ATXN7L1: variants seen among roughly 807,000 people sequenced by gnomAD.
The protein encoded by ATXN7L1 is ataxin-7-like protein 1.
In ATXN7L1, 15 loss-of-function variants were observed where a neutral mutation model predicts 70.8. The ratio of observed to expected loss-of-function variants is 0.21; its 90% CI spans 0.14 to 0.33. The LOEUF is 0.33. Ranked by LOEUF, ATXN7L1 falls within the 10% of genes least tolerant of loss-of-function variation. The pLI is 1.00. For missense variants in ATXN7L1, 975 were observed against 1,097.1 expected, an observed-to-expected ratio of 0.89 and a Z score of 1.57; for synonymous variants, 440 against 445.1, an observed-to-expected ratio of 0.99 and a Z score of 0.14.
intron 2 of ATXN7L1, among the ~76,000 whole-genome samples, chr7:105,852,668 G>A (rs972691750): frequency 2.0e-5 from 3 of 151,694 alleles, no homozygotes; most frequent in Admixed American, 2.0e-4. Flanking sequence ...GCTTATCTCG[G>A]AAGGACTGAA....
chr7:105,639,700 T>G, intron 5 of ATXN7L1, 131 bp from the exon 6 acceptor site: 2 of 692,678 alleles, frequency 2.9e-6, no homozygotes, highest in South Asian at 3.9e-5. Context: ...CTGTTTTTTG[T>G]TTTTTTGTGT....
rs116644450 is a variant in ATXN7L1, at chr7:105,659,450, C to A, written c.578+5616G>T. ...GGAAGACAGGAAGTGGAGTCTATGGCCGACCAGAGAAAGTGTCACATGTGA... is the reference window on the plus strand; with the variant it reads ...GGAAGACAGGAAGTGGAGTCTATGGACGACCAGAGAAAGTGTCACATGTGA... On this transcript the variant is annotated intron_variant, in intron 4 of 11. Transcript: ENST00000419735. Among the ~76,000 whole-genome samples, 1,171 of 152,196 alleles carry A rather than the reference C, an allele frequency of 7.7e-3. 15 individuals carry two copies. Among genetic ancestry groups the A allele is most frequent in the African/African-American group, 0.027 (1,122 of 41,510 alleles).
At chr7:105,749,756 G>A (rs188855634) in intron 3 of ATXN7L1, among the ~76,000 whole-genome samples, 16 of 151,950 alleles carry the variant, frequency 1.1e-4, no homozygotes, top group Admixed American at 5.9e-4. Context: ...ATCACTTGTG[G>A]GGCTTCTGAC....
chr7:105,772,893 C>A (rs1487758506), intron 3 of ATXN7L1, among the ~76,000 whole-genome samples: 1 of 152,194 alleles, frequency 6.6e-6, no homozygotes. Context: ...AGATTATATA[C>A]ATTTTTCAAT....
chr7:105,697,825 G>T (rs1417077948), intron 3 of ATXN7L1, among the ~76,000 whole-genome samples: 1 of 152,242 alleles, frequency 6.6e-6, no homozygotes, highest in East Asian at 1.9e-4. Context: ...CTTCTGTCAT[G>T]GCTTCAGCCG....
chr7:105,801,627 C>T (rs1352789404), intron 2 of ATXN7L1, among the ~76,000 whole-genome samples: 2 of 151,924 alleles, frequency 1.3e-5, no homozygotes, highest in African/African-American at 4.8e-5. Flanking sequence ...ACTGAGGGTA[C>T]ACCTGGCACA....
intron 3 of ATXN7L1, among the ~76,000 whole-genome samples, chr7:105,680,274 C>T (rs1402399644): frequency 1.3e-5 from 2 of 152,102 alleles, no homozygotes; most frequent in Non-Finnish European, 2.9e-5. Flanking sequence ...TAATGACTGC[C>T]TATGTAAGAT....
At chr7:105,789,215 G>C (rs918738131) in intron 2 of ATXN7L1, among the ~76,000 whole-genome samples, 6 of 152,246 alleles carry the variant, frequency 3.9e-5, no homozygotes, top group Non-Finnish European at 5.9e-5. Context: ...GAAGGAGTCT[G>C]CTGAAGAAGT....
intron 11 of ATXN7L1, among the ~76,000 whole-genome samples, chr7:105,608,898 G>C (rs996294584): frequency 1.3e-5 from 2 of 151,964 alleles, no homozygotes; most frequent in Non-Finnish European, 2.9e-5. Flanking sequence ...ATATATACAC[G>C]CACACCCACA....
intron 9 of ATXN7L1, among the ~76,000 whole-genome samples, chr7:105,619,225 G>A (rs1461823183): frequency 1.6e-5 from 2 of 124,558 alleles, no homozygotes; most frequent in African/African-American, 6.1e-5. Flanking sequence ...TCAGCTCACT[G>A]CAAACTCTGC....
At chr7:105,694,522 G>A (rs1458276107) in intron 3 of ATXN7L1, among the ~76,000 whole-genome samples, 1 of 152,146 alleles carries the variant, frequency 6.6e-6, no homozygotes, top group Non-Finnish European at 1.5e-5. Flanking sequence ...AGGGAAACAG[G>A]GTTCAGAGAA....
chr7:105,866,913 C>A lies in ATXN7L1; in HGVS notation c.250+8899G>T, dbSNP rs146296683. 3.6e-3 allele frequency among the ~76,000 whole-genome samples: 554 copies of A among 152,326 alleles called. 4 individuals are homozygous for A. Among genetic ancestry groups the A allele is most frequent in the African/African-American group, 0.013 (526 of 41,566 alleles). On this transcript the variant is annotated intron_variant, in intron 2 of 11. Coordinates refer to ENST00000419735, the MANE Select transcript of ATXN7L1 (RefSeq NM_020725.2). ...AAGAGGGATTTGACCAGGACAAGGT[C>A]TCACTGCATTGAGTACTACCATCTT...
chr7:105,753,256 C>T (rs916594185), intron 3 of ATXN7L1, among the ~76,000 whole-genome samples: 1 of 152,186 alleles, frequency 6.6e-6, no homozygotes, highest in African/African-American at 2.4e-5. Flanking sequence ...TGCAGCTCTG[C>T]AACTAAGTGG....
At chr7:105,822,756 G>A (rs1372556647) in intron 2 of ATXN7L1, among the ~76,000 whole-genome samples, 1 of 152,186 alleles carries the variant, frequency 6.6e-6, no homozygotes, top group Non-Finnish European at 1.5e-5. Context: ...ATGGTGGATG[G>A]TATGACCAAG....
chr7:105,624,234 T>C lies in ATXN7L1; in HGVS notation c.1236A>G (p.Thr412=), dbSNP rs1331910785. 6.7e-7 allele frequency: 1 copy of C among 1,483,254 alleles called. No homozygotes were observed. The highest frequency in any genetic ancestry group is 1.3e-5 in the South Asian group (1 of 75,352). The allele number at this position is 1,483,254 out of a possible 1,614,324, so 91.9% of individuals were successfully genotyped here. A position where few individuals can be genotyped will look rare whatever the true frequency, so the allele number is the denominator to read the frequency against. Residue 412 remains threonine, a synonymous_variant, in exon 8 of 12, where the codon ACA becomes ACG. Coordinates refer to ENST00000419735, the MANE Select transcript of ATXN7L1 (RefSeq NM_020725.2). ...GAGTGTGGCCGCTATGATTTGAAGA[T>C]GTGCTGCTGCTTATGCTATTTGCAG... The part of the protein sequence containing the change: ...PSSANSISSS[T]SSNHSGHTPE...
At chr7:105,760,486 T>C (rs1800398029) in intron 3 of ATXN7L1, 1 of 985,852 alleles carries the variant, frequency 1.0e-6, no homozygotes, top group African/African-American at 1.7e-5. Context: ...TCCTATATAC[T>C]GGTGAGGTAT....
Position 105,606,085 on chromosome 7 carries a change from C to G in ATXN7L1, c.*1767G>C, listed in dbSNP as rs1016253154. The G allele has an allele frequency of 6.6e-6, 1 of 151,840 alleles. No individual in the cohort carries two copies. The highest frequency in any genetic ancestry group is 1.5e-5 in the Non-Finnish European group (1 of 68,002). The allele number at this position is 151,840 out of a possible 1,614,324, so 9.4% of individuals were successfully genotyped here. A position where few individuals can be genotyped will look rare whatever the true frequency, so the allele number is the denominator to read the frequency against. ...TAAAAAAAGAAAAAGTAACAATCAT[C>G]CCTTCAATTTGCAGTCTCTTTTCCC... On this transcript the variant is annotated 3_prime_UTR_variant, in exon 12 of 12. Transcript: ENST00000419735.
chr7:105,693,005 G>A (rs147734846), intron 3 of ATXN7L1, among the ~76,000 whole-genome samples: 1 of 152,134 alleles, frequency 6.6e-6, no homozygotes, highest in African/African-American at 2.4e-5. Flanking sequence ...AGCATGAGCC[G>A]TCATGCCCAG....
chr7:105,817,424 G>A (rs559613069), intron 2 of ATXN7L1, among the ~76,000 whole-genome samples: 4 of 152,288 alleles, frequency 2.6e-5, no homozygotes, highest in Admixed American at 1.3e-4. Context: ...ACTGTACTGA[G>A]GTTATGTAAG....
Sources: gnomAD v4.1 joint callset for allele counts (sites outside exome capture counted in the v4.1 genomes callset) on GRCh38, gnomAD v4.1.1 for gene constraint, MANE v1.5 for transcripts, NCBI Gene and HGNC (gene_info 2026-07-23, HGNC 2026-07-21) for gene names.